ZNF710: variants seen among roughly 807,000 people sequenced by gnomAD.
The protein encoded by ZNF710 is zinc finger protein 710.
A neutral mutation model predicts 50.6 loss-of-function variants in ZNF710; 13 were observed. That is an observed-to-expected ratio of 0.26 (90% CI 0.17 to 0.41). The LOEUF is 0.41. Ranked by LOEUF, ZNF710 falls within the 10% of genes least tolerant of loss-of-function variation. The pLI, the probability that ZNF710 is intolerant of heterozygous loss-of-function variation, is 1.00. For missense variants in ZNF710, 721 were observed against 936.6 expected, an observed-to-expected ratio of 0.77 and a Z score of 3.01; for synonymous variants, 383 against 397.0, an observed-to-expected ratio of 0.96 and a Z score of 0.42.
At chr15:90,004,377 A>C (rs532621859) in intron 1 of ZNF710, among the ~76,000 whole-genome samples, 220 of 152,338 alleles carry the variant, frequency 1.4e-3, no homozygotes, top group African/African-American at 5.2e-3. Flanking sequence ...TGGAGGAGAC[A>C]AGTGAAGTCA....
At chr15:90,003,433 A>G (rs1898064571) in intron 1 of ZNF710, among the ~76,000 whole-genome samples, 1 of 152,190 alleles carries the variant, frequency 6.6e-6, no homozygotes, top group Admixed American at 6.5e-5. Context: ...CCAGCTTTGA[A>G]GCTGCCCTCT....
At chr15:90,045,927 G>A (rs1214383276) in intron 1 of ZNF710, among the ~76,000 whole-genome samples, 3 of 152,142 alleles carry the variant, frequency 2.0e-5, no homozygotes, top group African/African-American at 7.2e-5. Context: ...GAAGGGGCAC[G>A]TCGGGCAGCG....
chr15:90,057,844 C>T (rs970135641), intron 1 of ZNF710, among the ~76,000 whole-genome samples: 3 of 152,104 alleles, frequency 2.0e-5, no homozygotes, highest in African/African-American at 7.2e-5. Context: ...TCTGATCAAA[C>T]GATACCAGTT....
chr15:90,073,390 G>A, intron 3 of ZNF710, 128 bp downstream of exon 3: 1 of 1,094,206 alleles, frequency 9.1e-7, no homozygotes, highest in East Asian at 2.5e-5. Context: ...CCGGCTGGGT[G>A]AAACTTAGCC....
Position 90,068,296 on chromosome 15 carries a change from G to A in ZNF710, c.1159G>A (p.Gly387Ser). Residue 387 changes from glycine (G) to serine (S), a missense_variant, in exon 2 of 5, where the codon GGC (glycine) becomes AGC (serine). Gly to Ser is a moderately conservative substitution (Grantham distance 56). Transcript: ENST00000268154. The surrounding 1 kb of genome is among the most constrained non-coding windows in gnomAD (Gnocchi z 5.0). Reference protein sequence around the residue: ...KPYSCHFCGRGFAYPSELKAH... With the variant: ...KPYSCHFCGRSFAYPSELKAH... Reference sequence around the variant, plus strand: ...CTACAGCTGCCACTTCTGCGGCCGCGGCTTCGCCTACCCCAGCGAGCTCAA... The same window carrying A: ...CTACAGCTGCCACTTCTGCGGCCGCAGCTTCGCCTACCCCAGCGAGCTCAA... 3 of 1,613,004 alleles carry A rather than the reference G, an allele frequency of 1.9e-6. No homozygotes were observed. Among genetic ancestry groups the A allele is most frequent in the African/African-American group, 1.3e-5 (1 of 75,066 alleles).
upstream of ZNF710, among the ~76,000 whole-genome samples, chr15:89,999,958 G>A (rs1897975884): frequency 6.6e-6 from 1 of 151,948 alleles, no homozygotes; most frequent in Non-Finnish European, 1.5e-5. Context: ...AGAGGATCCA[G>A]GCTTTCCTTC....
Position 90,018,711 on chromosome 15 carries a change from T to C in ZNF710, c.-29+17097T>C, listed in dbSNP as rs372496682. Among the ~76,000 whole-genome samples the C allele has an allele frequency of 3.9e-4, 60 of 152,316 alleles. 2 individuals are homozygous for C. In the East Asian group the frequency reaches 0.01, roughly 26 times the overall value. On this transcript the variant is annotated intron_variant, in intron 1 of 4. Transcript: ENST00000268154. ...ACTGGAAGGGCCCACACAGGAAAGC[T>C]GGGCCCTGGGTCTTCATGGACGTTG...
intron 1 of ZNF710, among the ~76,000 whole-genome samples, chr15:90,038,266 CAAAG>C (rs1419973539): frequency 1.3e-5 from 2 of 152,246 alleles, no homozygotes; most frequent in Non-Finnish European, 2.9e-5. Flanking sequence ...CCCACAGACA[CAAAG>C]AATAAGTCAC....
At chr15:90,072,152 C>A (rs1373890258) in intron 2 of ZNF710, among the ~76,000 whole-genome samples, 1 of 152,150 alleles carries the variant, frequency 6.6e-6, no homozygotes, top group Non-Finnish European at 1.5e-5. Context: ...ATAAATTGGA[C>A]CCCTTTGCAC....
intron 4 of ZNF710, chr15:90,074,754 G>A: frequency 3.0e-6 from 1 of 335,588 alleles, no homozygotes; most frequent in Non-Finnish European, 5.7e-6. Flanking sequence ...AGTTAGAAAG[G>A]GGAAAAAATG....
Position 90,034,428 on chromosome 15 carries a change from CTGTGTGTGTGTGTGTGTGTGTGTG to C in ZNF710, c.-28-32658_-28-32635del, listed in dbSNP as rs398028304. Among the ~76,000 whole-genome samples, 19 of 136,198 alleles carry C rather than the reference CTGTGTGTGTGTGTGTGTGTGTGTG, an allele frequency of 1.4e-4. No homozygotes were observed. Among genetic ancestry groups the C allele is most frequent in the East Asian group, 1.1e-3 (5 of 4,452 alleles). 89.4% of individuals were successfully genotyped at this position (136,198 alleles called of 152,430 possible). A position where few individuals can be genotyped will look rare whatever the true frequency, so the allele number is the denominator to read the frequency against. ...AGCTGTCCTTCCTGTTTCCAAATTC[CTGTGTGTGTGTGTGTGTGTGTGTG>C]TGTGTGTGTGTGTGTGTGTGTGTAT... On this transcript the variant is annotated intron_variant, in intron 1 of 4. Transcript: ENST00000268154. This position sits in a 1 kb window ranked among gnomAD's most constrained non-coding sequence, Gnocchi z 4.0.
At chr15:90,041,654 A>T (rs1294826260) in intron 1 of ZNF710, among the ~76,000 whole-genome samples, 1 of 152,104 alleles carries the variant, frequency 6.6e-6, no homozygotes, top group African/African-American at 2.4e-5. Context: ...GCCTTTACAC[A>T]CCAAATTAAA....
chr15:90,058,766 T>C (rs1372814400), intron 1 of ZNF710, among the ~76,000 whole-genome samples: 1 of 151,112 alleles, frequency 6.6e-6, no homozygotes, highest in African/African-American at 2.5e-5. Flanking sequence ...TTTTAAGGAA[T>C]TGGCTCCTGT....
chr15:90,016,887 A>G (rs1170504969), intron 1 of ZNF710, among the ~76,000 whole-genome samples: 1 of 152,248 alleles, frequency 6.6e-6, no homozygotes, highest in African/African-American at 2.4e-5. Context: ...GGTAAAGGCA[A>G]GCCCAGAGCC....
chr15:90,050,953 A>G (rs558049625), intron 1 of ZNF710, among the ~76,000 whole-genome samples: 3 of 152,140 alleles, frequency 2.0e-5, no homozygotes, highest in Non-Finnish European at 4.4e-5. Flanking sequence ...TAGCAATTGC[A>G]CAGGCTGGGG....
In ZNF710 at chr15:90,079,874, G is replaced by A. The variant is rs1320731860; in HGVS notation, c.*45G>A. 2 of 1,544,744 alleles carry A rather than the reference G, an allele frequency of 1.3e-6. No homozygotes were observed. The highest frequency in any genetic ancestry group is 4.7e-5 in the East Asian group (2 of 43,008). On this transcript the variant is annotated 3_prime_UTR_variant, in exon 5 of 5. Transcript: ENST00000268154. Reference sequence around the variant, plus strand: ...AACGGGGGCCGGGGGCGAGGGCATGGGGGTGAGACCCATGGGCTGCAGGCT... The same window carrying A: ...AACGGGGGCCGGGGGCGAGGGCATGAGGGTGAGACCCATGGGCTGCAGGCT...
At chr15:90,069,934 C>T (rs1047145492) in intron 2 of ZNF710, among the ~76,000 whole-genome samples, 6 of 152,202 alleles carry the variant, frequency 3.9e-5, no homozygotes, top group Non-Finnish European at 5.9e-5. Flanking sequence ...CACAATCCCA[C>T]TCTGGTACTT....
At chr15:90,074,480 C>T (rs965187597) in intron 4 of ZNF710, 190 bp downstream of exon 4, 3 of 1,527,740 alleles carry the variant, frequency 2.0e-6, no homozygotes, top group African/African-American at 1.4e-5. Context: ...ATGTCTTCTT[C>T]AAAGGACTTA....
intron 1 of ZNF710, among the ~76,000 whole-genome samples, chr15:90,023,795 G>A (rs1898692094): frequency 6.6e-6 from 1 of 152,112 alleles, no homozygotes; most frequent in Admixed American, 6.5e-5. Flanking sequence ...TCAGAAGTTC[G>A]AGACCAGCCT....
Sources: allele counts gnomAD v4.1 joint callset (sites outside exome capture counted in the v4.1 genomes callset), GRCh38; gene constraint gnomAD v4.1.1; non-coding constraint Gnocchi (gnomAD v3.1); transcripts MANE v1.5; gene names NCBI Gene and HGNC (gene_info 2026-07-23, HGNC 2026-07-21).